The following PSMB3 variants were observed in gnomAD, a reference collection of about 807,000 sequenced individuals.
PSMB3 encodes proteasome subunit beta type-3.
Under a neutral mutation model 23.3 loss-of-function variants are expected in PSMB3, and 5 were observed. The ratio of observed to expected loss-of-function variants is 0.21; its 90% CI spans 0.11 to 0.45. The LOEUF (loss-of-function observed/expected upper bound fraction) is 0.45. PSMB3 is among the 20% of genes least tolerant of loss of function. The pLI is 0.99. For missense variants in PSMB3, 192 were observed against 277.9 expected (o/e 0.69, Z 2.20); for synonymous variants, 85 against 99.8 (o/e 0.85, Z 0.88).
Position 38,762,465 on chromosome 17 carries a change from C to A in PSMB3, c.529C>A (p.Arg177=). The A allele has an allele frequency of 1.2e-6, 2 of 1,614,118 alleles. No individual in the cohort carries two copies. The highest frequency in any genetic ancestry group is 1.7e-6 in the Non-Finnish European group (2 of 1,180,008). Residue 177 remains arginine (R), a synonymous_variant, in exon 5 of 6, where the codon CGG becomes AGG. Coordinates refer to ENST00000619426, the MANE Select transcript of PSMB3 (RefSeq NM_002795.4). The part of the protein sequence containing the change: ...ISQAMLNAVD[R]DAVSGMGVIV... ...CCAAGCCATGCTGAATGCTGTGGACCGGGATGCAGTGTCAGGCATGGGAGT... is the reference window on the plus strand; with the variant it reads ...CCAAGCCATGCTGAATGCTGTGGACAGGGATGCAGTGTCAGGCATGGGAGT...
chr17:38,753,399 G>C (rs954992644), intron 2 of PSMB3, 65 bp downstream of exon 2: 2 of 1,529,948 alleles, frequency 1.3e-6, no homozygotes, highest in Admixed American at 4.0e-5. Flanking sequence ...CCGGCGTCTT[G>C]ACCGGCCAAG....
chr17:38,759,995 G>A (rs1366156424), intron 3 of PSMB3, among the ~76,000 whole-genome samples: 2 of 152,164 alleles, frequency 1.3e-5, no homozygotes, highest in Non-Finnish European at 2.9e-5. Flanking sequence ...TGTTCAGTCT[G>A]AGTTATCTTG....
At chr17:38,754,038 G>A (rs1368117802) in intron 2 of PSMB3, among the ~76,000 whole-genome samples, 1 of 151,918 alleles carries the variant, frequency 6.6e-6, no homozygotes, top group Non-Finnish European at 1.5e-5. Context: ...AACGGTGATA[G>A]GTTTTCAGGA....
Position 38,752,816 on chromosome 17 carries a change from A to G in PSMB3, c.-11A>G. On this transcript the variant is annotated 5_prime_UTR_variant, in exon 1 of 6. Transcript: ENST00000619426. The surrounding 1 kb of genome is among the most constrained non-coding windows in gnomAD (Gnocchi z 5.5). ...GCTCTGGCGATCGAGGGATCCTAGT[A>G]CACCGCAATCATGGTGAGATGGGGA... 1 of 1,614,102 alleles carries G rather than the reference A, an allele frequency of 6.2e-7. No individual in the cohort carries two copies. The highest frequency in any genetic ancestry group is 8.5e-7 in the Non-Finnish European group (1 of 1,180,014).
chr17:38,756,052 G>T, intron 3 of PSMB3, 62 bp downstream of exon 3: 1 of 1,312,524 alleles, frequency 7.6e-7, no homozygotes, highest in Non-Finnish European at 1.1e-6. Context: ...GTATGGAGTA[G>T]GTACTGAGGA....
chr17:38,758,178 A>G lies in PSMB3; in HGVS notation c.296+2188A>G, dbSNP rs576693563. Among the ~76,000 whole-genome samples, 140 of 152,292 alleles carry G rather than the reference A, an allele frequency of 9.2e-4. 3 individuals are homozygous for G. Among genetic ancestry groups the G allele is most frequent in the African/African-American group, 2.1e-3 (88 of 41,566 alleles). ...GGACATTGCTCAGGTTTGCAGTTCAATGCCTCAGCCTGTCCTGCCAGAAAA... is the reference window on the plus strand; with the variant it reads ...GGACATTGCTCAGGTTTGCAGTTCAGTGCCTCAGCCTGTCCTGCCAGAAAA... On this transcript the variant is annotated intron_variant, in intron 3 of 5. Transcript: ENST00000619426.
intron 5 of PSMB3, among the ~76,000 whole-genome samples, chr17:38,763,497 C>CTTTTT (rs67563765): frequency 2.1e-4 from 16 of 76,058 alleles, no homozygotes; most frequent in African/African-American, 6.1e-4. Context: ...CTTCTTCCCC[C>CTTTTT]TTTTTTTTTT....
In PSMB3 at chr17:38,764,108, T is replaced by C; in HGVS notation, c.570-11T>C. The C allele has an allele frequency of 2.5e-6, 4 of 1,614,120 alleles. No homozygotes were observed. The highest frequency in any genetic ancestry group is 3.4e-6 in the Non-Finnish European group (4 of 1,179,992). On this transcript the variant is annotated splice_polypyrimidine_tract_variant and intron_variant, in intron 5 of 5. Transcript: ENST00000619426. ...GTAGAGATGTTTTCTTGTGATTTTC[T>C]CCCTCTGCAGCGAGAAGGACAAAAT...
At chr17:38,763,445 C>T (rs998430926) in intron 5 of PSMB3, among the ~76,000 whole-genome samples, 2 of 151,546 alleles carry the variant, frequency 1.3e-5, no homozygotes, top group Non-Finnish European at 2.9e-5. Flanking sequence ...ACACACCACA[C>T]CTTCTCCTTC....
intron 5 of PSMB3, among the ~76,000 whole-genome samples, chr17:38,763,033 C>T (rs1304130231): frequency 6.6e-6 from 1 of 152,150 alleles, no homozygotes; most frequent in Non-Finnish European, 1.5e-5. Flanking sequence ...CATTTGGACC[C>T]TTTTGGGGGA....
chr17:38,754,375 C>G (rs557907642), intron 2 of PSMB3, among the ~76,000 whole-genome samples: 2 of 152,258 alleles, frequency 1.3e-5, no homozygotes, highest in South Asian at 4.1e-4. Context: ...GAGGCTGAGG[C>G]TGGAGAATTG....
At chr17:38,755,056 C>T (rs1257991776) in intron 2 of PSMB3, among the ~76,000 whole-genome samples, 2 of 150,564 alleles carry the variant, frequency 1.3e-5, no homozygotes, top group East Asian at 2.0e-4. Flanking sequence ...CTCACTGCAA[C>T]CTCCGCCTCC....
chr17:38,753,099 T>G (rs1179664168), intron 1 of PSMB3, 51 bp from the exon 2 acceptor site: 1 of 1,536,942 alleles, frequency 6.5e-7, no homozygotes, highest in Non-Finnish European at 8.8e-7. Context: ...GGCCGGGGGC[T>G]GTGGCAGCGT....
intron 5 of PSMB3, 149 bp from the exon 6 acceptor site, chr17:38,763,970 G>A: frequency 2.6e-6 from 2 of 775,744 alleles, no homozygotes; most frequent in Non-Finnish European, 4.3e-6. Context: ...AACTAGAGCA[G>A]GATAGTTACA....
At chr17:38,753,065 C>A in intron 1 of PSMB3, 85 bp from the exon 2 acceptor site, 1 of 1,415,310 alleles carries the variant, frequency 7.1e-7, no homozygotes, top group Non-Finnish European at 9.5e-7. Context: ...AACGGGCGTA[C>A]AGGAGCCTCC....
At chr17:38,760,141 G>A (rs902156267) in intron 3 of PSMB3, among the ~76,000 whole-genome samples, 5 of 152,170 alleles carry the variant, frequency 3.3e-5, no homozygotes, top group African/African-American at 1.2e-4. Flanking sequence ...GTGAGGAGAG[G>A]GAGGATTAGA....
In PSMB3 at chr17:38,752,762, G is replaced by A. The variant is rs368555754; in HGVS notation, c.-65G>A. 956 of 1,605,204 alleles carry A rather than the reference G, an allele frequency of 6.0e-4. 1 individual carries two copies. The highest frequency in any genetic ancestry group is 7.9e-4 in the Non-Finnish European group (925 of 1,171,890). ...AGACAGCAGTGAGAGCGGTTGCGCA[G>A]TGAAGGCTAGACCCGGTTTACTGGA... On this transcript the variant is annotated 5_prime_UTR_variant, in exon 1 of 6. In the 5' UTR this introduces an upstream ATG that the reference lacks. Transcript: ENST00000619426. The surrounding 1 kb of genome is among the most constrained non-coding windows in gnomAD (Gnocchi z 5.5).
intron 3 of PSMB3, among the ~76,000 whole-genome samples, chr17:38,758,836 G>A (rs1199103254): frequency 6.6e-6 from 1 of 152,198 alleles, no homozygotes; most frequent in African/African-American, 2.4e-5. Context: ...CACAAGGTCA[G>A]GAGATTGAGA....
In PSMB3 at chr17:38,764,125, G is replaced by A. The variant is rs35705506; in HGVS notation, c.576G>A (p.Lys192=). The A allele has an allele frequency of 2.3e-3, 3,680 of 1,614,158 alleles. 65 individuals carry two copies. The African/African-American group carries it at 0.039, about 17-fold the overall frequency. The change falls in exon 6 of 6, where the codon AAG becomes AAA. Residue 192 remains lysine (K), a synonymous_variant. Coordinates refer to ENST00000619426, the MANE Select transcript of PSMB3 (RefSeq NM_002795.4). ...TGATTTTCTCCCTCTGCAGCGAGAA[G>A]GACAAAATCACCACCAGGACACTGA... The part of the protein sequence containing the change: ...GMGVIVHIIE[K]DKITTRTLKA...
Sources: gnomAD v4.1 joint callset for allele counts (sites outside exome capture counted in the v4.1 genomes callset) on GRCh38, gnomAD v4.1.1 for gene constraint, Gnocchi (gnomAD v3.1) non-coding constraint, MANE v1.5 for transcripts, NCBI Gene and HGNC (gene_info 2026-07-23, HGNC 2026-07-21) for gene names.